The following PRRC2C variants were observed in gnomAD, a reference collection of about 807,000 sequenced individuals.
PRRC2C encodes protein PRRC2C.
Under a neutral mutation model 317.2 loss-of-function variants are expected in PRRC2C, and 72 were observed. The ratio of observed to expected loss-of-function variants is 0.23; its 90% CI spans 0.19 to 0.28. PRRC2C has a LOEUF of 0.28. PRRC2C is among the 10% of genes least tolerant of loss of function. The probability of loss-of-function intolerance (pLI) is 1.00; values close to 1 mark genes in which losing one functional copy is unlikely to be tolerated. For missense variants in PRRC2C, 3,074 were observed against 3,459.7 expected (o/e 0.89, Z 2.80); for synonymous variants, 1,296 against 1,205.9 (o/e 1.07, Z -1.55).
chr1:171,503,811 T>C (rs1372024465), intron 1 of PRRC2C, among the ~76,000 whole-genome samples: 2 of 152,178 alleles, frequency 1.3e-5, no homozygotes, highest in Non-Finnish European at 2.9e-5. Flanking sequence ...TGGGGAGGCC[T>C]CACAATCATG....
chr1:171,571,001 C>T (rs1025936347), intron 23 of PRRC2C, among the ~76,000 whole-genome samples: 1 of 152,178 alleles, frequency 6.6e-6, no homozygotes, highest in Non-Finnish European at 1.5e-5. Flanking sequence ...TTTTTATCAG[C>T]ATCCTCAGGT....
At chr1:171,570,382 G>T (rs918738898) in intron 23 of PRRC2C, among the ~76,000 whole-genome samples, 1 of 152,058 alleles carries the variant, frequency 6.6e-6, no homozygotes, top group Non-Finnish European at 1.5e-5. Flanking sequence ...ATACATGTTG[G>T]TTAGTATTAC....
chr1:171,498,169 C>G lies in PRRC2C; in HGVS notation c.-58+12434C>G, dbSNP rs561860913. On this transcript the variant is annotated intron_variant, in intron 1 of 34. Coordinates refer to ENST00000647382, the MANE Select transcript of PRRC2C (RefSeq NM_001387844.1). ...TGCTAGAGCTTTTAGTCAACCTTAACTGAAATCACCAGTCCTTTCTGCTCT... is the reference window on the plus strand; with the variant it reads ...TGCTAGAGCTTTTAGTCAACCTTAAGTGAAATCACCAGTCCTTTCTGCTCT... 7.2e-5 allele frequency among the ~76,000 whole-genome samples: 11 copies of G among 152,202 alleles called. No homozygotes were observed. In the East Asian group the frequency reaches 1.7e-3, roughly 24 times the overall value.
chr1:171,535,889 A>C, intron 13 of PRRC2C, 140 bp from the exon 14 acceptor site: 1 of 1,164,662 alleles, frequency 8.6e-7, no homozygotes, highest in South Asian at 1.5e-5. Context: ...TGTCTTGCCA[A>C]CTCTTAACTG....
chr1:171,517,551 G>C, intron 5 of PRRC2C, 40 bp from the exon 6 acceptor site: 1 of 1,574,202 alleles, frequency 6.4e-7, no homozygotes, highest in Non-Finnish European at 8.7e-7. Flanking sequence ...TCCATTTTCA[G>C]ATTTTTATCT....
At chr1:171,553,993 C>T (rs1680837767) in intron 18 of PRRC2C, among the ~76,000 whole-genome samples, 2 of 152,174 alleles carry the variant, frequency 1.3e-5, no homozygotes, top group South Asian at 4.1e-4. Flanking sequence ...CTGCTTGTTG[C>T]AGAGCTGAGT....
At chr1:171,533,356 A>ATT (rs1440842920) in intron 12 of PRRC2C, among the ~76,000 whole-genome samples, 3 of 152,222 alleles carry the variant, frequency 2.0e-5, no homozygotes, top group Non-Finnish European at 4.4e-5. Context: ...ATCATAATTA[A>ATT]ATGACTGCAC....
At chr1:171,523,622 T>C (rs1674006383) in intron 9 of PRRC2C, 100 bp downstream of exon 9, 2 of 1,043,068 alleles carry the variant, frequency 1.9e-6, no homozygotes, top group Admixed American at 4.3e-5. Flanking sequence ...TGTTTGTTAT[T>C]TGTAGAATTT....
rs1347996876 is a variant in PRRC2C, at chr1:171,540,374, A to G, written c.2908A>G (p.Lys970Glu). The G allele has an allele frequency of 1.2e-6, 2 of 1,612,352 alleles. No homozygotes were observed. Among genetic ancestry groups the G allele is most frequent in the Non-Finnish European group, 1.7e-6 (2 of 1,179,502 alleles). ...EPIERPEEKPKKEGFIRSSEG... is the reference protein window; with the variant it reads ...EPIERPEEKPEKEGFIRSSEG... ...AATAGAAAGGCCAGAGGAGAAACCA[A>G]AAAAGGAAGGCTTTATACGATCTTC... Residue 970 changes from lysine (K) to glutamate (E), a missense_variant, in exon 16 of 35, where the codon AAA becomes GAA. Physicochemically the swap from Lys to Glu is moderately conservative, Grantham distance 56. Around this residue, in one of 11 missense-constraint regions of PRRC2C, gnomAD observed 1,320 missense variants for 1,395.7 expected, o/e 0.95. Coordinates refer to ENST00000647382, the MANE Select transcript of PRRC2C (RefSeq NM_001387844.1).
intron 18 of PRRC2C, among the ~76,000 whole-genome samples, chr1:171,555,344 A>T (rs1419985439): frequency 1.3e-5 from 2 of 152,106 alleles, no homozygotes; most frequent in African/African-American, 2.4e-5. Flanking sequence ...TACACTGTTT[A>T]TTCTAGTTAG....
At chr1:171,524,988 C>T in intron 10 of PRRC2C, 23 bp downstream of exon 10, 1 of 1,545,622 alleles carries the variant, frequency 6.5e-7, no homozygotes, top group Non-Finnish European at 8.8e-7. Context: ...CATGGAGATC[C>T]TTGTTATTGC....
intron 6 of PRRC2C, among the ~76,000 whole-genome samples, chr1:171,520,681 G>A (rs1450054896): frequency 6.6e-6 from 1 of 151,742 alleles, no homozygotes; most frequent in Admixed American, 6.6e-5. Context: ...CAGTATAGAA[G>A]TGTGATGCAA....
At chr1:171,492,273 G>C (rs1571539690) in intron 1 of PRRC2C, among the ~76,000 whole-genome samples, 1 of 152,162 alleles carries the variant, frequency 6.6e-6, no homozygotes, top group East Asian at 1.9e-4. Context: ...AAAGAGGGAT[G>C]GAAAAAGCCA....
chr1:171,523,231 G>A lies in PRRC2C; in HGVS notation c.844G>A (p.Gly282Arg). The A allele has an allele frequency of 1.2e-6, 2 of 1,610,916 alleles. No individual in the cohort carries two copies. Among genetic ancestry groups the A allele is most frequent in the Non-Finnish European group, 1.7e-6 (2 of 1,178,660 alleles). ...CCTGCCTTTCATTAGAGGCCTTCGAGGAAGAGGCCCACCTCCTTCATGGGC... is the reference window on the plus strand; with the variant it reads ...CCTGCCTTTCATTAGAGGCCTTCGAAGAAGAGGCCCACCTCCTTCATGGGC... Reference protein sequence around the residue: ...SLSETNKGLRGRGPPPSWASE... With the variant: ...SLSETNKGLRRRGPPPSWASE... Residue 282 changes from glycine to arginine, a missense_variant, in exon 8 of 35, where the codon GGA becomes AGA. Transcript: ENST00000647382.
At chr1:171,492,126 A>T (rs1667262537) in intron 1 of PRRC2C, among the ~76,000 whole-genome samples, 1 of 152,152 alleles carries the variant, frequency 6.6e-6, no homozygotes. Flanking sequence ...CAGTTCTTTA[A>T]GTTTTAGTAC....
chr1:171,536,558 G>A (rs1557942803), intron 14 of PRRC2C, among the ~76,000 whole-genome samples: 1 of 152,116 alleles, frequency 6.6e-6, no homozygotes, highest in Non-Finnish European at 1.5e-5. Context: ...TGGCTACATT[G>A]TTGTTCTTCT....
chr1:171,498,554 C>A (rs1418046100), intron 1 of PRRC2C, among the ~76,000 whole-genome samples: 2 of 152,192 alleles, frequency 1.3e-5, no homozygotes, highest in Non-Finnish European at 2.9e-5. Flanking sequence ...GCATTCAAAC[C>A]ATTTTCTTTC....
intron 1 of PRRC2C, among the ~76,000 whole-genome samples, chr1:171,486,377 A>G (rs1357826092): frequency 6.6e-6 from 1 of 151,682 alleles, no homozygotes; most frequent in Non-Finnish European, 1.5e-5. Flanking sequence ...TCCATCCTCT[A>G]ACTTGCGTGG....
chr1:171,566,773 T>G lies in PRRC2C; in HGVS notation c.6488T>G (p.Val2163Gly), dbSNP rs761180251. 3.0e-5 allele frequency: 49 copies of G among 1,613,640 alleles called. No homozygotes were observed. Among genetic ancestry groups the G allele is most frequent in the Non-Finnish European group, 3.7e-5 (44 of 1,179,828 alleles). Residue 2163 changes from valine to glycine, a missense_variant, in exon 22 of 35, where the codon GTC (valine) becomes GGC (glycine). By Grantham distance (109) the Val-to-Gly change is moderately radical. Coordinates refer to ENST00000647382, the MANE Select transcript of PRRC2C (RefSeq NM_001387844.1). The part of the protein sequence containing the change: ...DPVTTKETKA[V>G]SEMSTEIGTM... ...GTCACGACAAAGGAGACTAAAGCAGTCTCAGAAATGTCTACTGAAATAGGA... is the reference window on the plus strand; with the variant it reads ...GTCACGACAAAGGAGACTAAAGCAGGCTCAGAAATGTCTACTGAAATAGGA...
Sources: allele counts gnomAD v4.1 joint callset (sites outside exome capture counted in the v4.1 genomes callset), GRCh38; gene constraint gnomAD v4.1.1; regional missense constraint gnomAD v4.1.1; transcripts MANE v1.5; gene names NCBI Gene and HGNC (gene_info 2026-07-23, HGNC 2026-07-21).